AGAP1: variants seen among roughly 807,000 people sequenced by gnomAD.
AGAP1 encodes the protein arf-GAP with GTPase, ANK repeat and PH domain-containing protein 1.
In AGAP1, 29 loss-of-function variants were observed where a neutral mutation model predicts 105.3. The ratio of observed to expected loss-of-function variants is 0.28; its 90% CI spans 0.21 to 0.38. The LOEUF is 0.38. AGAP1 is among the 10% of genes least tolerant of loss of function. AGAP1 has a pLI of 1.00. For synonymous variants in AGAP1, 509 were observed against 485.9 expected (o/e 1.05, Z -0.63); for missense variants, 998 against 1,165.1 (o/e 0.86, Z 2.09).
intron 1 of AGAP1, among the ~76,000 whole-genome samples, chr2:235,708,344 A>G (rs111700989): frequency 1.1e-4 from 17 of 152,132 alleles, no homozygotes; most frequent in African/African-American, 4.1e-4. Flanking sequence ...GACTACTATC[A>G]TGGGGTCTCA....
intron 1 of AGAP1, among the ~76,000 whole-genome samples, chr2:235,522,037 C>A (rs969391962): frequency 6.6e-6 from 1 of 152,144 alleles, no homozygotes; most frequent in African/African-American, 2.4e-5. Flanking sequence ...TTTTTGAATA[C>A]ATCGGATGTA....
chr2:236,079,367 AT>A (rs1427179521), intron 16 of AGAP1, among the ~76,000 whole-genome samples: 1 of 119,988 alleles, frequency 8.3e-6, no homozygotes, highest in South Asian at 2.8e-4. Context: ...AAAAAAGAAA[AT>A]TTAAAAAAAA....
At chr2:235,837,337 C>T (rs1960291971) in intron 9 of AGAP1, among the ~76,000 whole-genome samples, 1 of 152,148 alleles carries the variant, frequency 6.6e-6, no homozygotes, top group South Asian at 2.1e-4. Flanking sequence ...ACAGCGGTTA[C>T]ATTAAAGTAA....
At chr2:235,679,753 G>A (rs1948960192) in intron 1 of AGAP1, among the ~76,000 whole-genome samples, 1 of 152,218 alleles carries the variant, frequency 6.6e-6, no homozygotes, top group Non-Finnish European at 1.5e-5. Context: ...TGCCTGGAAA[G>A]CAGAGTAATC....
At chr2:235,853,909 C>T (rs2048578588) in intron 9 of AGAP1, among the ~76,000 whole-genome samples, 1 of 151,832 alleles carries the variant, frequency 6.6e-6, no homozygotes, top group Non-Finnish European at 1.5e-5. Context: ...TCATTGCAGA[C>T]TTGTTGTCAG....
At chr2:236,031,676 G>C (rs1161093100) in intron 13 of AGAP1, among the ~76,000 whole-genome samples, 1 of 152,128 alleles carries the variant, frequency 6.6e-6, no homozygotes, top group African/African-American at 2.4e-5. Context: ...CCCATCTCTG[G>C]ATAGTTGTGA....
At chr2:235,619,581 G>C (rs1946412147) in intron 1 of AGAP1, among the ~76,000 whole-genome samples, 2 of 152,164 alleles carry the variant, frequency 1.3e-5, no homozygotes, top group Non-Finnish European at 2.9e-5. Flanking sequence ...GGCTGCTGGA[G>C]CCTAGGATCT....
rs146718270 is a variant in AGAP1 at position 235,844,616 on chromosome 2, G to A, written c.1050+37285G>A. 2.2e-3 allele frequency among the ~76,000 whole-genome samples: 337 copies of A among 152,196 alleles called. 1 individual carries two copies. Among genetic ancestry groups the A allele is most frequent in the African/African-American group, 7.2e-3 (297 of 41,526 alleles). ...CACGAAGCTCCTGCAGCTTGGCACG[G>A]CATTTAAGGCTCCCCCTGACCGATG... On this transcript the variant is annotated intron_variant, in intron 9 of 17. Coordinates refer to ENST00000304032, the MANE Select transcript of AGAP1 (RefSeq NM_001037131.3).
At chr2:235,717,432 G>A (rs867742346) in intron 2 of AGAP1, 125 bp from the exon 3 acceptor site, 8 of 675,798 alleles carry the variant, frequency 1.2e-5, no homozygotes, top group African/African-American at 7.5e-5. Flanking sequence ...CTTGTTTTTG[G>A]CCATCCAGCC....
At chr2:236,031,666 C>G (rs1039868051) in intron 13 of AGAP1, among the ~76,000 whole-genome samples, 2 of 152,178 alleles carry the variant, frequency 1.3e-5, no homozygotes, top group Admixed American at 1.3e-4. Flanking sequence ...ACCCACAAGC[C>G]CCATCTCTGG....
In AGAP1 at chr2:236,113,036, A is replaced by C. The variant is rs1457101600; in HGVS notation, c.2115-7156A>C. Among the ~76,000 whole-genome samples the C allele has an allele frequency of 6.6e-6, 1 of 152,034 alleles. No homozygotes were observed. The highest frequency in any genetic ancestry group is 1.5e-5 in the Non-Finnish European group (1 of 68,000). Reference sequence around the variant, plus strand: ...CCTTTTGAAACTTGCAATAAAATCTACCTGTCTCTTCTTTCCTGCAGCCTT... The same window carrying C: ...CCTTTTGAAACTTGCAATAAAATCTCCCTGTCTCTTCTTTCCTGCAGCCTT... On this transcript the variant is annotated intron_variant, in intron 16 of 17. Transcript: ENST00000304032. The surrounding 1 kb of genome is among the most constrained non-coding windows in gnomAD (Gnocchi z 4.3).
chr2:235,871,699 GT>G (rs1214349548), intron 9 of AGAP1, among the ~76,000 whole-genome samples: 1 of 152,228 alleles, frequency 6.6e-6, no homozygotes, highest in African/African-American at 2.4e-5. Flanking sequence ...TCATTTGACT[GT>G]TTCTTATAAC....
intron 12 of AGAP1, among the ~76,000 whole-genome samples, chr2:235,937,735 G>A (rs1016169945): frequency 1.3e-5 from 2 of 152,148 alleles, no homozygotes; most frequent in Non-Finnish European, 2.9e-5. Context: ...CGTGATGTCC[G>A]GAGGCATTTT....
In AGAP1 at chr2:235,887,619, G is replaced by T. The variant is rs2050331607; in HGVS notation, c.1155+4170G>T. Among the ~76,000 whole-genome samples, 1 of 152,168 alleles carries T rather than the reference G, an allele frequency of 6.6e-6. No individual in the cohort carries two copies. Among genetic ancestry groups the T allele is most frequent in the South Asian group, 2.1e-4 (1 of 4,822 alleles). On this transcript the variant is annotated intron_variant, in intron 10 of 17. Coordinates refer to ENST00000304032, the MANE Select transcript of AGAP1 (RefSeq NM_001037131.3). This position sits in a 1 kb window ranked among gnomAD's most constrained non-coding sequence, Gnocchi z 4.1. ...AGCCCCCGGAGCAGGGGCCTGCATTGATCTCATATAGCATAGCCTACAGCC... is the reference window on the plus strand; with the variant it reads ...AGCCCCCGGAGCAGGGGCCTGCATTTATCTCATATAGCATAGCCTACAGCC...
At chr2:235,776,775 TC>T (rs1397433606) in intron 6 of AGAP1, among the ~76,000 whole-genome samples, 2 of 152,152 alleles carry the variant, frequency 1.3e-5, no homozygotes, top group Non-Finnish European at 2.9e-5. Flanking sequence ...TCGCACCCTT[TC>T]CTTAGCCTCA....
intron 13 of AGAP1, among the ~76,000 whole-genome samples, chr2:236,017,842 A>G (rs1215631986): frequency 6.6e-6 from 1 of 152,124 alleles, no homozygotes; most frequent in Non-Finnish European, 1.5e-5. Flanking sequence ...ATGGATGGAA[A>G]ATTGGGATTC....
intron 6 of AGAP1, among the ~76,000 whole-genome samples, chr2:235,758,164 G>A (rs1954092504): frequency 6.6e-6 from 1 of 151,624 alleles, no homozygotes; most frequent in Non-Finnish European, 1.5e-5. Flanking sequence ...GTGTATATGT[G>A]TGTTAGCGAG....
intron 9 of AGAP1, among the ~76,000 whole-genome samples, chr2:235,873,008 G>C (rs1258662553): frequency 2.0e-5 from 3 of 152,210 alleles, no homozygotes; most frequent in Non-Finnish European, 4.4e-5. Context: ...CGTGCCCCAG[G>C]AGGGCAGAGG....
At chr2:235,645,645 C>G (rs1947357139) in intron 1 of AGAP1, among the ~76,000 whole-genome samples, 1 of 152,078 alleles carries the variant, frequency 6.6e-6, no homozygotes, top group Admixed American at 6.6e-5. Flanking sequence ...TTGCACATCC[C>G]CCTTCCATGG....
Sources: allele counts gnomAD v4.1 joint callset (sites outside exome capture counted in the v4.1 genomes callset), GRCh38; gene constraint gnomAD v4.1.1; non-coding constraint Gnocchi (gnomAD v3.1); transcripts MANE v1.5; gene names NCBI Gene and HGNC (gene_info 2026-07-23, HGNC 2026-07-21).